Variants in PLCG2 observed in about 807,000 individuals in gnomAD.
The protein encoded by PLCG2 is phospholipase C gamma 2, also known as 1-phosphatidylinositol 4,5-bisphosphate phosphodiesterase gamma-2.
PLCG2 carries 69 observed loss-of-function variants against 175.6 expected under a neutral mutation model. The observed-to-expected ratio is 0.39, with a 90% confidence interval of 0.32 to 0.48. The LOEUF (loss-of-function observed/expected upper bound fraction) is 0.48. Among genes scored for constraint, PLCG2 ranks in the 20% least tolerant of loss-of-function variants. PLCG2 has a pLI of 0.91. For synonymous variants in PLCG2, 827 were observed against 624.0 expected (o/e 1.33, Z -4.85); for missense variants, 1,798 against 1,650.9 (o/e 1.09, Z -1.54).
chr16:81,903,299 A>G (rs1234035853), intron 14 of PLCG2, among the ~76,000 whole-genome samples: 1 of 152,194 alleles, frequency 6.6e-6, no homozygotes, highest in African/African-American at 2.4e-5. Flanking sequence ...TGTTCCAGGA[A>G]GTCGTGGTTT....
intron 8 of PLCG2, among the ~76,000 whole-genome samples, chr16:81,882,356 C>G (rs1908126290): frequency 6.6e-6 from 1 of 152,134 alleles, no homozygotes; most frequent in Non-Finnish European, 1.5e-5. Context: ...AGGGAAGTGT[C>G]TTTCACACTG....
chr16:81,874,045 C>T (rs537260897), intron 7 of PLCG2, among the ~76,000 whole-genome samples: 27 of 152,174 alleles, frequency 1.8e-4, no homozygotes, highest in Non-Finnish European at 3.2e-4. Context: ...AAGATTCTGC[C>T]GATACCAAAG....
intron 2 of PLCG2, among the ~76,000 whole-genome samples, chr16:81,808,720 C>G (rs1204076371): frequency 3.9e-5 from 6 of 152,128 alleles, no homozygotes; most frequent in Non-Finnish European, 7.4e-5. Context: ...GTCTCGATCT[C>G]CTGACCTTGT....
intron 2 of PLCG2, among the ~76,000 whole-genome samples, chr16:81,761,469 C>T (rs901981439): frequency 1.3e-5 from 2 of 152,112 alleles, no homozygotes; most frequent in Non-Finnish European, 2.9e-5. Flanking sequence ...AGAGGTGACG[C>T]GTTGTAATGG....
chr16:81,894,833 G>A (rs536187779), intron 12 of PLCG2, among the ~76,000 whole-genome samples: 5 of 150,560 alleles, frequency 3.3e-5, no homozygotes, highest in South Asian at 2.1e-4. Flanking sequence ...AGATCGCGCC[G>A]CTGCACGCCA....
chr16:81,898,219 A>T (rs1451599205), intron 13 of PLCG2: 1 of 187,822 alleles, frequency 5.3e-6, no homozygotes, highest in Non-Finnish European at 1.1e-5. Flanking sequence ...GAATCATCTA[A>T]CACCTATAGG....
chr16:81,937,714 G>C, intron 27 of PLCG2, 44 bp from the exon 28 acceptor site: 1 of 1,587,248 alleles, frequency 6.3e-7, no homozygotes, highest in Non-Finnish European at 8.6e-7. Flanking sequence ...GGGGGCCAGC[G>C]TGCTCATGCC....
chr16:81,885,460 G>C (rs11150423), intron 9 of PLCG2, among the ~76,000 whole-genome samples: 19,357 of 152,152 alleles, frequency 0.13, 1,861 homozygotes, highest in East Asian at 0.39. Flanking sequence ...CACTGTGCCC[G>C]GCCCACTTTG....
intron 6 of PLCG2, among the ~76,000 whole-genome samples, chr16:81,870,332 A>C (rs1368310567): frequency 6.6e-6 from 1 of 152,224 alleles, no homozygotes; most frequent in Non-Finnish European, 1.5e-5. Context: ...TGAAAGGGTC[A>C]AGGAAATTGC....
chr16:81,821,946 C>A (rs1300120441), intron 2 of PLCG2, among the ~76,000 whole-genome samples: 2 of 151,880 alleles, frequency 1.3e-5, no homozygotes, highest in African/African-American at 4.8e-5. Flanking sequence ...CCACCATTTG[C>A]AGGCTGTGTG....
chr16:81,756,595 G>C (rs1331734639), intron 2 of PLCG2, among the ~76,000 whole-genome samples: 1 of 152,226 alleles, frequency 6.6e-6, no homozygotes, highest in African/African-American at 2.4e-5. Flanking sequence ...GCCAGGCACA[G>C]AGGTGGTGGG....
rs76802650 is a variant in PLCG2 at position 81,760,763 on chromosome 16, T to TAAAAA, written c.-48+4799_-48+4800insAAAAA. 5.8e-5 allele frequency among the ~76,000 whole-genome samples: 8 copies of TAAAAA among 139,050 alleles called. 1 individual carries two copies. Among genetic ancestry groups the TAAAAA allele is most frequent in the East Asian group, 4.2e-4 (2 of 4,806 alleles). The allele number at this position is 139,050 out of a possible 152,430, so 91.2% of individuals were successfully genotyped here. A position where few individuals can be genotyped will look rare whatever the true frequency, so the allele number is the denominator to read the frequency against. The stretch of plus-strand genomic sequence containing the variant: ...CCGTCTCTATTAAAAAAAAAAATAA[T>TAAAAA]AATAATAATAATAATAATTAGCTGA... On this transcript the variant is annotated intron_variant, in intron 2 of 5. Transcript: ENST00000565054.
At chr16:81,919,254 G>C (rs985869637) in intron 19 of PLCG2, among the ~76,000 whole-genome samples, 2 of 152,158 alleles carry the variant, frequency 1.3e-5, no homozygotes, top group Admixed American at 1.3e-4. Flanking sequence ...GAGCTGTTGA[G>C]TCACTCGGCC....
Position 81,823,085 on chromosome 16 carries a change from A to G in PLCG2, c.194-31359A>G, listed in dbSNP as rs545390496. Among the ~76,000 whole-genome samples the G allele has an allele frequency of 1.3e-5, 2 of 152,380 alleles. 1 individual carries two copies. The highest frequency in any genetic ancestry group is 4.1e-4 in the South Asian group (2 of 4,826). ...TTGGTGCAGCAGCCGTAGGGCACTTATAAAGCAGGCGAGGCCTATGTTGGC... is the reference window on the plus strand; with the variant it reads ...TTGGTGCAGCAGCCGTAGGGCACTTGTAAAGCAGGCGAGGCCTATGTTGGC... On this transcript the variant is annotated intron_variant, in intron 2 of 32. Transcript: ENST00000564138.
intron 2 of PLCG2, among the ~76,000 whole-genome samples, chr16:81,827,721 A>G (rs1905100379): frequency 6.6e-6 from 1 of 152,200 alleles, no homozygotes; most frequent in Admixed American, 6.5e-5. Flanking sequence ...ATCCTACGTC[A>G]TGCTGCAGGC....
chr16:81,928,858 A>G, intron 24 of PLCG2: 1 of 457,800 alleles, frequency 2.2e-6, no homozygotes, highest in South Asian at 5.8e-5. Context: ...CATAAGTGCT[A>G]GATGGTGGTT....
chr16:81,845,556 C>T (rs1906070480), intron 2 of PLCG2, among the ~76,000 whole-genome samples: 1 of 152,196 alleles, frequency 6.6e-6, no homozygotes, highest in South Asian at 2.1e-4. Context: ...TCATCAGTAG[C>T]GACACTGCTC....
At chr16:81,750,389 C>T (rs1482586266) in intron 1 of PLCG2, among the ~76,000 whole-genome samples, 1 of 139,870 alleles carries the variant, frequency 7.1e-6, no homozygotes, top group Non-Finnish European at 1.5e-5. Context: ...CACTGCACTC[C>T]AGCCTGGGTG....
At chr16:81,915,397 C>T (rs984392346) in intron 19 of PLCG2, among the ~76,000 whole-genome samples, 2 of 152,114 alleles carry the variant, frequency 1.3e-5, no homozygotes, top group African/African-American at 4.8e-5. Context: ...GAGTTGTTGC[C>T]CGGCTGTGAT....
Sources: allele counts gnomAD v4.1 joint callset (sites outside exome capture counted in the v4.1 genomes callset), GRCh38; gene constraint gnomAD v4.1.1; transcripts MANE v1.5; gene names NCBI Gene and HGNC (gene_info 2026-07-23, HGNC 2026-07-21).